The following LRRC69 variants were observed in gnomAD, a reference collection of about 807,000 sequenced individuals.
LRRC69 encodes leucine rich repeat containing 69, also known as leucine-rich repeat-containing protein 69.
LRRC69 carries 42 observed loss-of-function variants against 37.8 expected under a neutral mutation model. That is an observed-to-expected ratio of 1.11 (90% CI 0.87 to 1.44). The LOEUF is 1.44. Among genes scored for constraint, LRRC69 ranks in the 40% most tolerant of loss-of-function variants. The probability of loss-of-function intolerance (pLI) is 0.00; values close to 1 mark genes in which losing one functional copy is unlikely to be tolerated. For synonymous variants in LRRC69, 141 were observed against 143.1 expected, an observed-to-expected ratio of 0.99 and a Z score of 0.11; for missense variants, 357 against 401.9, an observed-to-expected ratio of 0.89 and a Z score of 0.96.
chr8:91,158,544 C>T (rs962555766), intron 5 of LRRC69: 6 of 1,159,516 alleles, frequency 5.2e-6, no homozygotes, highest in Admixed American at 3.4e-5. Flanking sequence ...ACACACTGTA[C>T]ATTTTCACGG....
intron 5 of LRRC69, among the ~76,000 whole-genome samples, chr8:91,166,745 C>A (rs540072589): frequency 1.1e-4 from 16 of 151,708 alleles, no homozygotes; most frequent in Non-Finnish European, 2.1e-4. Context: ...TTTTAGAGTG[C>A]AAGTTCCACT....
intron 7 of LRRC69, among the ~76,000 whole-genome samples, chr8:91,202,608 GA>G (rs1042269424): frequency 6.6e-6 from 1 of 152,192 alleles, no homozygotes; most frequent in African/African-American, 2.4e-5. Context: ...GTATTAATGG[GA>G]AATCACTTTT....
At chr8:91,154,618 C>CA (rs1461558286) in intron 5 of LRRC69, among the ~76,000 whole-genome samples, 1 of 151,842 alleles carries the variant, frequency 6.6e-6, no homozygotes, top group Non-Finnish European at 1.5e-5. Flanking sequence ...GAACCAAGGA[C>CA]AAAAACCCCA....
chr8:91,218,522 A>G (rs1777780785), intron 7 of LRRC69, among the ~76,000 whole-genome samples: 1 of 152,172 alleles, frequency 6.6e-6, no homozygotes, highest in Non-Finnish European at 1.5e-5. Context: ...CCCATTAAGA[A>G]GTTCAGTACG....
chr8:91,183,777 G>A (rs1339667180), intron 5 of LRRC69, among the ~76,000 whole-genome samples: 1 of 152,164 alleles, frequency 6.6e-6, no homozygotes, highest in Admixed American at 6.5e-5. Flanking sequence ...TATACTGGAA[G>A]TTGGTGATGA....
intron 5 of LRRC69, among the ~76,000 whole-genome samples, chr8:91,141,914 T>C (rs1408149699): frequency 3.9e-5 from 6 of 152,000 alleles, no homozygotes; most frequent in Non-Finnish European, 7.4e-5. Context: ...TGAAGGGTTT[T>C]GGATAGGCTA....
intron 5 of LRRC69, among the ~76,000 whole-genome samples, chr8:91,178,097 C>T (rs1466024373): frequency 6.6e-6 from 1 of 152,180 alleles, no homozygotes; most frequent in Non-Finnish European, 1.5e-5. Flanking sequence ...ATCCGCCTGC[C>T]TTGGCCTCCC....
At chr8:91,175,815 G>GT (rs11337903) in intron 5 of LRRC69, among the ~76,000 whole-genome samples, 59 of 147,430 alleles carry the variant, frequency 4.0e-4, no homozygotes, top group Middle Eastern at 3.6e-3. Flanking sequence ...CACCACCGGA[G>GT]TTTTTTTTTT....
chr8:91,157,697 A>T, intron 5 of LRRC69: 1 of 1,599,670 alleles, frequency 6.3e-7, no homozygotes, highest in Non-Finnish European at 8.6e-7. Context: ...CACAGGCGGC[A>T]TGAAGCAAAA....
At chr8:91,148,977 A>G (rs36146099) in intron 5 of LRRC69, among the ~76,000 whole-genome samples, 4 of 150,788 alleles carry the variant, frequency 2.7e-5, no homozygotes, top group African/African-American at 7.3e-5. Context: ...TAGATTCTGG[A>G]TATTAGCCCT....
intron 5 of LRRC69, among the ~76,000 whole-genome samples, chr8:91,176,275 C>T (rs1170805489): frequency 1.3e-5 from 2 of 151,642 alleles, no homozygotes; most frequent in South Asian, 2.1e-4. Flanking sequence ...GCTGGGACTA[C>T]AGGCATGTGC....
intron 3 of LRRC69, among the ~76,000 whole-genome samples, chr8:91,129,022 CAATT>C (rs1342317396): frequency 1.3e-5 from 2 of 151,984 alleles, no homozygotes; most frequent in African/African-American, 4.8e-5. Flanking sequence ...TCTTATTTCT[CAATT>C]TATTTAGAAC....
intron 7 of LRRC69, among the ~76,000 whole-genome samples, chr8:91,214,026 G>C (rs1213121827): frequency 6.6e-6 from 1 of 152,146 alleles, no homozygotes; most frequent in Admixed American, 6.5e-5. Flanking sequence ...ATGTGTTCGT[G>C]TGTGTGTGTT....
chr8:91,179,511 G>A (rs1303480798), intron 5 of LRRC69, among the ~76,000 whole-genome samples: 1 of 152,130 alleles, frequency 6.6e-6, no homozygotes, highest in Non-Finnish European at 1.5e-5. Flanking sequence ...TTCTACATGA[G>A]ATTGGGGCAG....
At chr8:91,111,637 C>G (rs1486437393) in intron 1 of LRRC69, among the ~76,000 whole-genome samples, 1 of 151,886 alleles carries the variant, frequency 6.6e-6, no homozygotes, top group African/African-American at 2.4e-5. Flanking sequence ...GAATGGAAAA[C>G]CAAATACCAC....
chr8:91,131,706 A>T (rs1813812596), intron 3 of LRRC69, among the ~76,000 whole-genome samples: 1 of 151,882 alleles, frequency 6.6e-6, no homozygotes, highest in Admixed American at 6.6e-5. Context: ...TTTTTTAAAT[A>T]TTGACTTTGT....
chr8:91,143,800 A>AG (rs1187912573), intron 5 of LRRC69, among the ~76,000 whole-genome samples: 1 of 152,016 alleles, frequency 6.6e-6, no homozygotes, highest in Non-Finnish European at 1.5e-5. Context: ...GGAAAAAAAA[A>AG]TGGAAGCAAC....
chr8:91,129,117 G>A (rs74431516), intron 3 of LRRC69, among the ~76,000 whole-genome samples: 3,721 of 152,094 alleles, frequency 0.024, 89 homozygotes, highest in Non-Finnish European at 0.037. Flanking sequence ...TCAAATTTGG[G>A]CAGGTAAGAG....
At position 91,145,983 on chromosome 8, in the gene LRRC69, ATTAAG is replaced by A. The variant is rs1204767207; in HGVS notation, c.651+10248_651+10252del. ...TCTTGTTTTAAAAATTGAGGGCCCA[ATTAAG>A]TTAGGGAATACAACTATCTTTCTCT... On this transcript the variant is annotated intron_variant, in intron 5 of 7. Coordinates refer to ENST00000448384, the Ensembl canonical transcript of LRRC69. 2.6e-5 allele frequency among the ~76,000 whole-genome samples: 4 copies of A among 151,958 alleles called. No individual in the cohort carries two copies. In the East Asian group the frequency reaches 5.8e-4, roughly 22 times the overall value.
Sources: gnomAD v4.1 joint callset for allele counts (sites outside exome capture counted in the v4.1 genomes callset) on GRCh38, gnomAD v4.1.1 for gene constraint, MANE v1.5 for transcripts, NCBI Gene and HGNC (gene_info 2026-07-23, HGNC 2026-07-21) for gene names.